Variants in DSG4 observed in about 807,000 individuals in gnomAD.
The protein encoded by DSG4 is desmoglein 4.
A neutral mutation model predicts 93.1 loss-of-function variants in DSG4; 87 were observed. The ratio of observed to expected loss-of-function variants is 0.93; its 90% CI spans 0.79 to 1.12. The LOEUF is 1.12. DSG4 is among the 50% of genes most tolerant of loss of function. The pLI, the probability that DSG4 is intolerant of heterozygous loss-of-function variation, is 0.00. For missense variants in DSG4, 1,373 were observed against 1,285.7 expected (o/e 1.07, Z -1.04); for synonymous variants, 432 against 452.9 (o/e 0.95, Z 0.59).
chr18:31,395,205 T>C (rs1450270316), intron 8 of DSG4, among the ~76,000 whole-genome samples: 1 of 151,972 alleles, frequency 6.6e-6, no homozygotes, highest in Non-Finnish European at 1.5e-5. Flanking sequence ...ATGCAGGCAA[T>C]GTACTATCTG....
intron 8 of DSG4, among the ~76,000 whole-genome samples, chr18:31,393,404 G>A (rs2072271045): frequency 6.6e-6 from 1 of 152,182 alleles, no homozygotes; most frequent in Non-Finnish European, 1.5e-5. Context: ...AGGAAGCAAA[G>A]TGCCAACATG....
At chr18:31,410,356 A>G (rs2072473163) in intron 14 of DSG4, among the ~76,000 whole-genome samples, 2 of 151,414 alleles carry the variant, frequency 1.3e-5, no homozygotes, top group African/African-American at 4.8e-5. Context: ...TATAATACAT[A>G]CATATATTGT....
intron 11 of DSG4, 42 bp downstream of exon 11, chr18:31,403,676 A>G: frequency 6.3e-7 from 1 of 1,589,426 alleles, no homozygotes; most frequent in Non-Finnish European, 8.6e-7. Context: ...TTAAGTCCAA[A>G]AGCAAAACAA....
chr18:31,409,034 G>T (rs908377555), intron 12 of DSG4, among the ~76,000 whole-genome samples: 1 of 152,078 alleles, frequency 6.6e-6, no homozygotes, highest in Non-Finnish European at 1.5e-5. Context: ...CTGTAATAAG[G>T]ATTGAAGATA....
intron 10 of DSG4, 74 bp from the exon 11 acceptor site, chr18:31,403,342 T>A (rs983704028): frequency 8.1e-7 from 1 of 1,230,108 alleles, no homozygotes; most frequent in Non-Finnish European, 1.2e-6. Flanking sequence ...TTCCATGGCA[T>A]CATCAGGGGA....
At chr18:31,406,934 C>T (rs1441199620) in intron 12 of DSG4, among the ~76,000 whole-genome samples, 24 of 152,108 alleles carry the variant, frequency 1.6e-4, no homozygotes, top group South Asian at 1.2e-3. Context: ...CCCACCACCA[C>T]GACTGGCTAA....
rs2072391453 is a variant in DSG4, at chr18:31,403,471, T to C, written c.1473T>C (p.Asn491=). 1.2e-6 allele frequency: 2 copies of C among 1,613,944 alleles called. No homozygotes were observed. The highest frequency in any genetic ancestry group is 1.7e-6 in the Non-Finnish European group (2 of 1,179,940). The part of the protein sequence containing the change: ...GTICIEVPDI[N]DYCPNIFPER... The stretch of plus-strand genomic sequence containing the variant: ...TATGTATTGAGGTTCCTGATATCAA[T>C]GATTATTGTCCAAACATTTTTCCTG... Residue 491 remains asparagine, a synonymous_variant, in exon 11 of 16, where the codon AAT becomes AAC. Coordinates refer to ENST00000308128, the MANE Select transcript of DSG4 (RefSeq NM_177986.5).
chr18:31,385,502 A>G (rs921841737), intron 2 of DSG4, among the ~76,000 whole-genome samples: 1 of 152,172 alleles, frequency 6.6e-6, no homozygotes, highest in African/African-American at 2.4e-5. Flanking sequence ...CACATTAGAC[A>G]GAAAGACAAT....
At chr18:31,388,846 A>T (rs2072217822) in intron 4 of DSG4, 28 bp from the exon 5 acceptor site, 2 of 1,613,184 alleles carry the variant, frequency 1.2e-6, no homozygotes, top group African/African-American at 1.3e-5. Flanking sequence ...TTGGTGGAAA[A>T]AGATGGCTTT....
rs1192555284 is a variant in DSG4, at chr18:31,389,036, C to T, written c.517+18C>T. 1.2e-5 allele frequency: 20 copies of T among 1,612,192 alleles called. No individual in the cohort carries two copies. Among genetic ancestry groups the T allele is most frequent in the Admixed American group, 1.7e-5 (1 of 59,946 alleles). ...TGATGCCAGTAAGTAGAATGACATT[C>T]CTTCTCTACGTCACAGCATATCTAC... On this transcript the variant is annotated intron_variant, in intron 5 of 15. Transcript: ENST00000308128.
At chr18:31,400,315 G>A (rs528946103) in intron 9 of DSG4, among the ~76,000 whole-genome samples, 1 of 152,304 alleles carries the variant, frequency 6.6e-6, no homozygotes, top group South Asian at 2.1e-4. Flanking sequence ...ATGGGTGGAG[G>A]TAAAAGCAGT....
At chr18:31,396,457 G>A (rs780132913) in intron 8 of DSG4, among the ~76,000 whole-genome samples, 8 of 138,186 alleles carry the variant, frequency 5.8e-5, no homozygotes, top group Non-Finnish European at 1.2e-4. Context: ...CCAAGTTCAA[G>A]CAATTTCACG....
intron 5 of DSG4, 130 bp downstream of exon 5, chr18:31,389,148 C>A: frequency 2.0e-6 from 2 of 1,002,068 alleles, no homozygotes; most frequent in Non-Finnish European, 3.0e-6. Context: ...ATAAACCCCA[C>A]ATATTTTAAT....
At chr18:31,392,466 C>G in intron 8 of DSG4, 126 bp downstream of exon 8, 1 of 1,053,920 alleles carries the variant, frequency 9.5e-7, no homozygotes, top group Non-Finnish European at 1.4e-6. Flanking sequence ...TTGTTTATAT[C>G]AAGGGTCCTA....
chr18:31,382,088 A>C (rs1598734009), intron 1 of DSG4, among the ~76,000 whole-genome samples: 1 of 152,324 alleles, frequency 6.6e-6, no homozygotes, highest in African/African-American at 2.4e-5. Flanking sequence ...ACCGTCATCA[A>C]CCAGGCCCAC....
intron 8 of DSG4, among the ~76,000 whole-genome samples, chr18:31,398,419 T>C (rs776060580): frequency 6.6e-5 from 10 of 152,198 alleles, no homozygotes; most frequent in Non-Finnish European, 1.3e-4. Context: ...ATTCATGATG[T>C]CAGGGAGTTT....
At chr18:31,399,177 T>C in intron 8 of DSG4, 95 bp from the exon 9 acceptor site, 1 of 1,520,712 alleles carries the variant, frequency 6.6e-7, no homozygotes, top group Non-Finnish European at 9.0e-7. Flanking sequence ...CTCCTGGACC[T>C]TATTCTAGTG....
chr18:31,413,116 G>A lies in DSG4; in HGVS notation c.2644G>A (p.Gly882Arg). Residue 882 changes from glycine (G) to arginine (R), a missense_variant, in exon 16 of 16, where the codon GGA becomes AGA. By Grantham distance (125) the Gly-to-Arg change is moderately radical (BLOSUM62 -2). Coordinates refer to ENST00000308128, the MANE Select transcript of DSG4 (RefSeq NM_177986.5). ...GPNYFVNESSGLTPSEVEFQE... is the reference protein window; with the variant it reads ...GPNYFVNESSRLTPSEVEFQE... ...TAATTACTTTGTTAATGAATCTTCA[G>A]GATTGACTCCCTCAGAAGTTGAATT... is the stretch of plus-strand genomic sequence containing the variant. 6.2e-7 allele frequency: 1 copy of A among 1,614,122 alleles called. No homozygotes were observed. The highest frequency in any genetic ancestry group is 2.2e-5 in the East Asian group (1 of 44,868).
At chr18:31,384,973 A>G (rs2072172260) in intron 1 of DSG4, among the ~76,000 whole-genome samples, 163 bp from the exon 2 acceptor site, 1 of 152,178 alleles carries the variant, frequency 6.6e-6, no homozygotes, top group African/African-American at 2.4e-5. Flanking sequence ...TTTGGAGGGC[A>G]AAAAGTCTAT....
Sources: gnomAD v4.1 joint callset for allele counts (sites outside exome capture counted in the v4.1 genomes callset) on GRCh38, gnomAD v4.1.1 for gene constraint, MANE v1.5 for transcripts, NCBI Gene and HGNC (gene_info 2026-07-23, HGNC 2026-07-21) for gene names.